AUTS2: variants seen among roughly 807,000 people sequenced by gnomAD.
AUTS2 encodes the protein autism susceptibility gene 2 protein.
AUTS2 carries 17 observed loss-of-function variants against 112.4 expected under a neutral mutation model. The ratio of observed to expected loss-of-function variants is 0.15; its 90% CI spans 0.10 to 0.23. The LOEUF (loss-of-function observed/expected upper bound fraction) is 0.23. Among genes scored for constraint, AUTS2 ranks in the 10% least tolerant of loss-of-function variants. AUTS2 has a pLI of 1.00. For missense variants in AUTS2, 1,510 were observed against 1,701.6 expected (o/e 0.89, Z 1.98); for synonymous variants, 751 against 702.7 (o/e 1.07, Z -1.09).
At chr7:70,518,640 G>A (rs746714215) in intron 5 of AUTS2, among the ~76,000 whole-genome samples, 5 of 150,784 alleles carry the variant, frequency 3.3e-5, no homozygotes, top group South Asian at 2.1e-4. Flanking sequence ...CCGAGATCGC[G>A]CCACTGCACT....
At chr7:69,609,619 C>A (rs1792919609) in intron 1 of AUTS2, among the ~76,000 whole-genome samples, 1 of 152,098 alleles carries the variant, frequency 6.6e-6, no homozygotes, top group Non-Finnish European at 1.5e-5. Flanking sequence ...TTTCTTTAGC[C>A]TAGCAATCTG....
chr7:70,302,352 C>T (rs978253466), intron 4 of AUTS2, among the ~76,000 whole-genome samples: 2 of 151,718 alleles, frequency 1.3e-5, no homozygotes, highest in Non-Finnish European at 2.9e-5. Context: ...CTGCAGTGAG[C>T]TATGATTGTG....
At chr7:69,824,372 G>A (rs1032536252) in intron 1 of AUTS2, among the ~76,000 whole-genome samples, 1 of 151,518 alleles carries the variant, frequency 6.6e-6, no homozygotes, top group Non-Finnish European at 1.5e-5. Flanking sequence ...TCGCGCCACC[G>A]CACTCCAGCC....
intron 2 of AUTS2, among the ~76,000 whole-genome samples, chr7:70,012,907 G>A (rs1799869561): frequency 6.6e-6 from 1 of 152,182 alleles, no homozygotes; most frequent in East Asian, 1.9e-4. Context: ...GGGTTGTAGA[G>A]AAATAAGTGC....
At chr7:69,732,307 A>G (rs966152390) in intron 1 of AUTS2, among the ~76,000 whole-genome samples, 1 of 152,024 alleles carries the variant, frequency 6.6e-6, no homozygotes, top group Non-Finnish European at 1.5e-5. Flanking sequence ...GATGGGGTGT[A>G]GTTACACATA....
At chr7:70,198,366 G>C (rs2129585028) in intron 4 of AUTS2, among the ~76,000 whole-genome samples, 1 of 152,016 alleles carries the variant, frequency 6.6e-6, no homozygotes, top group Non-Finnish European at 1.5e-5. Flanking sequence ...GCTGAGAGAA[G>C]AAGGCTTCAG....
intron 5 of AUTS2, among the ~76,000 whole-genome samples, chr7:70,588,161 C>G (rs919589844): frequency 7.2e-5 from 11 of 152,268 alleles, no homozygotes; most frequent in African/African-American, 2.2e-4. Context: ...GTGAGCACAT[C>G]AGAAATCTGG....
At chr7:70,531,384 T>C (rs1299247164) in intron 5 of AUTS2, among the ~76,000 whole-genome samples, 3 of 152,202 alleles carry the variant, frequency 2.0e-5, no homozygotes, top group African/African-American at 4.8e-5. Flanking sequence ...TAGTCCATTT[T>C]ATGTTGCTCT....
At chr7:69,851,918 G>T (rs1792501345) in intron 1 of AUTS2, among the ~76,000 whole-genome samples, 1 of 152,134 alleles carries the variant, frequency 6.6e-6, no homozygotes, top group South Asian at 2.1e-4. Context: ...ATACGAGCAT[G>T]TCATCTATAA....
chr7:70,272,941 A>T (rs1459778267), intron 4 of AUTS2, among the ~76,000 whole-genome samples: 1 of 152,212 alleles, frequency 6.6e-6, no homozygotes, highest in African/African-American at 2.4e-5. Context: ...CTAGACAAAC[A>T]TAGCAAGACC....
rs1056436999 is a variant in AUTS2 at position 69,910,250 on chromosome 7, C to T, written c.522+10752C>T. On this transcript the variant is annotated intron_variant, in intron 2 of 18. Coordinates refer to ENST00000342771, the MANE Select transcript of AUTS2 (RefSeq NM_015570.4). ...GGGATGTCATCTTGCCAGCTGGAAT[C>T]CTCTGTGGCAGGGGTACCTTCTCTC... Among the ~76,000 whole-genome samples, 14 of 152,288 alleles carry T rather than the reference C, an allele frequency of 9.2e-5. No individual in the cohort carries two copies. In the East Asian group the frequency reaches 1.5e-3, roughly 17 times the overall value.
At chr7:70,743,277 G>A (rs1229977510) in intron 6 of AUTS2, among the ~76,000 whole-genome samples, 4 of 152,010 alleles carry the variant, frequency 2.6e-5, no homozygotes, top group African/African-American at 4.8e-5. Flanking sequence ...AGACCAACAT[G>A]GCCAACACGA....
At chr7:69,750,472 TTAGTAGTAGTAGTAGTAG>T (rs146638908) in intron 1 of AUTS2, among the ~76,000 whole-genome samples, 1 of 148,032 alleles carries the variant, frequency 6.8e-6, no homozygotes, top group African/African-American at 2.5e-5. Context: ...AAATACTATG[TTAGTAGTAGTAGTAGTAG>T]TAGTAGTAGT....
intron 4 of AUTS2, among the ~76,000 whole-genome samples, chr7:70,390,807 C>G (rs1469762666): frequency 1.3e-5 from 2 of 152,038 alleles, no homozygotes; most frequent in Admixed American, 6.6e-5. Context: ...ATGATATAGC[C>G]AGGCCGTGTT....
intron 5 of AUTS2, among the ~76,000 whole-genome samples, chr7:70,612,245 T>C (rs560679818): frequency 6.6e-6 from 1 of 152,342 alleles, no homozygotes; most frequent in East Asian, 1.9e-4. Flanking sequence ...GAATTGACTG[T>C]TTAATAGTTG....
intron 4 of AUTS2, among the ~76,000 whole-genome samples, chr7:70,371,171 G>A (rs1393607780): frequency 6.6e-6 from 1 of 152,096 alleles, no homozygotes; most frequent in Non-Finnish European, 1.5e-5. Flanking sequence ...ACGAAGTTAG[G>A]TTCACCTGAA....
chr7:69,632,873 T>G (rs987699249), intron 1 of AUTS2, among the ~76,000 whole-genome samples: 1 of 152,236 alleles, frequency 6.6e-6, no homozygotes, highest in African/African-American at 2.4e-5. Flanking sequence ...TAAGTTTCAT[T>G]GTGTATTTGT....
chr7:70,631,117 C>T lies in AUTS2; in HGVS notation c.691-67452C>T, dbSNP rs944060855. 6.6e-5 allele frequency among the ~76,000 whole-genome samples: 10 copies of T among 152,316 alleles called. No individual in the cohort carries two copies. The highest frequency in any genetic ancestry group is 3.4e-3 in the Middle Eastern group (1 of 294). ...TCAGCAGCAGCCACAGCCAGCAACC[C>T]GCTCTGGCCCCTCGCCGCGCCATTC... On this transcript the variant is annotated intron_variant, in intron 5 of 18. Transcript: ENST00000342771. This position sits in a 1 kb window ranked among gnomAD's most constrained non-coding sequence, Gnocchi z 4.5.
chr7:70,542,174 T>TA (rs926989302), intron 5 of AUTS2, among the ~76,000 whole-genome samples: 11 of 148,888 alleles, frequency 7.4e-5, no homozygotes, highest in Non-Finnish European at 1.3e-4. Flanking sequence ...TTTACCAATC[T>TA]AAAAAAAAAA....
Sources: allele counts gnomAD v4.1 joint callset (sites outside exome capture counted in the v4.1 genomes callset), GRCh38; gene constraint gnomAD v4.1.1; non-coding constraint Gnocchi (gnomAD v3.1); transcripts MANE v1.5; gene names NCBI Gene and HGNC (gene_info 2026-07-23, HGNC 2026-07-21).